CDH12: variants seen among roughly 807,000 people sequenced by gnomAD.
CDH12 encodes the protein cadherin-12.
CDH12 carries 41 observed loss-of-function variants against 74.1 expected under a neutral mutation model. That is an observed-to-expected ratio of 0.55 (90% CI 0.43 to 0.72). The LOEUF (loss-of-function observed/expected upper bound fraction) is 0.72. Among genes scored for constraint, CDH12 ranks in the 30% least tolerant of loss-of-function variants. The probability of loss-of-function intolerance (pLI) is 0.00; values close to 1 mark genes in which losing one functional copy is unlikely to be tolerated. For synonymous variants in CDH12, 399 were observed against 355.0 expected (o/e 1.12, Z -1.39); for missense variants, 945 against 977.2 (o/e 0.97, Z 0.44).
intron 5 of CDH12, among the ~76,000 whole-genome samples, chr5:22,054,987 T>C (rs1740639846): frequency 6.6e-6 from 1 of 152,172 alleles, no homozygotes; most frequent in African/African-American, 2.4e-5. Context: ...TGTCATCCAA[T>C]TTGACATCCA....
intron 2 of CDH12, among the ~76,000 whole-genome samples, chr5:22,487,984 T>A (rs553065904): frequency 6.6e-6 from 1 of 152,360 alleles, no homozygotes; most frequent in African/African-American, 2.4e-5. Context: ...TTTAACAACT[T>A]ATTTTGATAC....
chr5:22,843,613 G>GGTGT (rs3050972), intron 1 of CDH12, among the ~76,000 whole-genome samples: 10,981 of 147,814 alleles, frequency 0.074, 441 homozygotes, highest in South Asian at 0.15. Flanking sequence ...TAACATTTGT[G>GGTGT]GTGTGTGTGT....
At chr5:22,060,555 C>G (rs1224335345) in intron 5 of CDH12, among the ~76,000 whole-genome samples, 2 of 152,052 alleles carry the variant, frequency 1.3e-5, no homozygotes, top group African/African-American at 4.8e-5. Flanking sequence ...ATTCAGTAAG[C>G]TGGCAAAGGA....
chr5:22,485,432 A>C (rs10941955), intron 2 of CDH12, among the ~76,000 whole-genome samples: 143,181 of 152,236 alleles, frequency 0.94, 67,420 homozygotes, highest in Admixed American at 0.97. Context: ...TTCAAGCAAG[A>C]CTCCTTCTTC....
intron 6 of CDH12, among the ~76,000 whole-genome samples, chr5:21,889,295 T>C (rs191625709): frequency 1.3e-5 from 2 of 152,226 alleles, no homozygotes; most frequent in East Asian, 1.9e-4. Flanking sequence ...CTGTATATAT[T>C]ATCATTATTT....
intron 1 of CDH12, among the ~76,000 whole-genome samples, chr5:22,763,265 A>G (rs1431377485): frequency 6.6e-6 from 1 of 151,942 alleles, no homozygotes; most frequent in Non-Finnish European, 1.5e-5. Context: ...ATTTTATTTA[A>G]CATAGTGGGA....
At chr5:22,252,774 T>G (rs1276959145) in intron 3 of CDH12, among the ~76,000 whole-genome samples, 1 of 151,998 alleles carries the variant, frequency 6.6e-6, no homozygotes, top group African/African-American at 2.4e-5. Flanking sequence ...TTTTTCCCCA[T>G]GTAAATCTTC....
intron 10 of CDH12, among the ~76,000 whole-genome samples, chr5:21,800,622 T>C (rs1293026068): frequency 6.6e-6 from 1 of 152,142 alleles, no homozygotes; most frequent in African/African-American, 2.4e-5. Flanking sequence ...TCTTGGACTG[T>C]CTAGCCTCCA....
chr5:22,843,132 G>A (rs868645496), intron 1 of CDH12, among the ~76,000 whole-genome samples: 2 of 152,068 alleles, frequency 1.3e-5, no homozygotes, highest in South Asian at 2.1e-4. Context: ...TTGGTGCTGC[G>A]TTAAAGTTAT....
At chr5:22,660,801 A>G (rs960904099) in intron 1 of CDH12, among the ~76,000 whole-genome samples, 29 of 152,280 alleles carry the variant, frequency 1.9e-4, no homozygotes, top group African/African-American at 7.0e-4. Context: ...CCATCTAGAT[A>G]TTTTTTAATT....
At chr5:22,158,815 T>G (rs996553054) in intron 4 of CDH12, among the ~76,000 whole-genome samples, 2 of 152,108 alleles carry the variant, frequency 1.3e-5, no homozygotes, top group Non-Finnish European at 2.9e-5. Flanking sequence ...TACAATATGT[T>G]GACAAATTAG....
At chr5:22,296,743 C>T (rs1489173181) in intron 3 of CDH12, among the ~76,000 whole-genome samples, 1 of 152,130 alleles carries the variant, frequency 6.6e-6, no homozygotes, top group Non-Finnish European at 1.5e-5. Context: ...AAGCGTGAAG[C>T]TGGCTCTGGT....
intron 1 of CDH12, among the ~76,000 whole-genome samples, chr5:22,718,367 AG>A (rs1743693712): frequency 6.6e-6 from 1 of 152,176 alleles, no homozygotes; most frequent in Non-Finnish European, 1.5e-5. Flanking sequence ...AATGTGAAAA[AG>A]GTGCCTGACA....
rs114182282 is a variant in CDH12, at chr5:22,246,481, A to G, written c.-332-33838T>C. On this transcript the variant is annotated intron_variant, in intron 3 of 14. Coordinates refer to ENST00000382254, the MANE Select transcript of CDH12 (RefSeq NM_004061.5). ...GCTTTATTCTACTGACTTAAGTTTC[A>G]CATTTCTGAAGAAAATGATAATACA... is the stretch of plus-strand genomic sequence containing the variant. Among the ~76,000 whole-genome samples, 1,203 of 152,280 alleles carry G rather than the reference A, an allele frequency of 7.9e-3. 10 individuals carry two copies. Among genetic ancestry groups the G allele is most frequent in the African/African-American group, 0.028 (1,147 of 41,558 alleles).
At chr5:22,002,054 A>G (rs1177313316) in intron 5 of CDH12, among the ~76,000 whole-genome samples, 9 of 152,164 alleles carry the variant, frequency 5.9e-5, no homozygotes, top group Non-Finnish European at 1.2e-4. Context: ...TTATACTTGT[A>G]AAAGTTATTT....
At chr5:22,706,311 A>T (rs1743004146) in intron 1 of CDH12, among the ~76,000 whole-genome samples, 2 of 152,068 alleles carry the variant, frequency 1.3e-5, no homozygotes, top group Non-Finnish European at 2.9e-5. Context: ...TAAAAAGAAC[A>T]TGCATGCTTA....
At chr5:22,278,827 T>A (rs113160238) in intron 3 of CDH12, among the ~76,000 whole-genome samples, 1 of 152,212 alleles carries the variant, frequency 6.6e-6, no homozygotes, top group East Asian at 1.9e-4. Flanking sequence ...GCTATGGAGG[T>A]CATTTTTTAA....
intron 6 of CDH12, among the ~76,000 whole-genome samples, chr5:21,896,853 T>A (rs1425963907): frequency 6.6e-6 from 1 of 152,188 alleles, no homozygotes; most frequent in Non-Finnish European, 1.5e-5. Context: ...GCTTATTTAT[T>A]CTTATCAGTA....
chr5:22,042,201 A>G lies in CDH12; in HGVS notation c.231+36245T>C, dbSNP rs538607653. Among the ~76,000 whole-genome samples the G allele has an allele frequency of 3.9e-5, 6 of 152,286 alleles. No individual in the cohort carries two copies. In the South Asian group the frequency reaches 1.2e-3, roughly 32 times the overall value. On this transcript the variant is annotated intron_variant, in intron 5 of 14. Coordinates refer to ENST00000382254, the MANE Select transcript of CDH12 (RefSeq NM_004061.5). ...TAGTGACAAATGCCTACATTAAAAA[A>G]AAATTAGAAATATCTCAAATAAACA...
Sources: allele counts gnomAD v4.1 joint callset (sites outside exome capture counted in the v4.1 genomes callset), GRCh38; gene constraint gnomAD v4.1.1; transcripts MANE v1.5; gene names NCBI Gene and HGNC (gene_info 2026-07-23, HGNC 2026-07-21).